The following MCC variants were observed in gnomAD, a reference collection of about 807,000 sequenced individuals.
The protein encoded by MCC is MCC regulator of Wnt signaling pathway.
In MCC, 90 loss-of-function variants were observed where a neutral mutation model predicts 116.2. That is an observed-to-expected ratio of 0.77 (90% CI 0.65 to 0.92). The LOEUF is 0.92. Ranked by LOEUF, MCC falls within the 40% of genes least tolerant of loss-of-function variation. The probability of loss-of-function intolerance (pLI) is 0.00; values close to 1 mark genes in which losing one functional copy is unlikely to be tolerated. For synonymous variants in MCC, 578 were observed against 510.5 expected (o/e 1.13, Z -1.78); for missense variants, 1,516 against 1,312.2 (o/e 1.16, Z -2.40).
chr5:113,448,557 A>G (rs796181052), intron 1 of MCC, among the ~76,000 whole-genome samples: 6 of 152,378 alleles, frequency 3.9e-5, no homozygotes, highest in African/African-American at 1.4e-4. Flanking sequence ...ACAGCTGCAG[A>G]TACCAATGAT....
intron 1 of MCC, among the ~76,000 whole-genome samples, chr5:113,471,193 T>A (rs1182995052): frequency 1.3e-5 from 2 of 152,238 alleles, no homozygotes; most frequent in Admixed American, 1.3e-4. Flanking sequence ...TCATTCTCTG[T>A]CCAGCTTTGT....
intron 2 of MCC, among the ~76,000 whole-genome samples, chr5:113,346,556 T>C (rs752671230): frequency 1.5e-4 from 23 of 151,942 alleles, no homozygotes; most frequent in Non-Finnish European, 2.9e-4. Flanking sequence ...GCCAAGATCA[T>C]GCCATTGTAC....
At chr5:113,394,004 C>T (rs889245401) in intron 1 of MCC, among the ~76,000 whole-genome samples, 21 of 152,162 alleles carry the variant, frequency 1.4e-4, no homozygotes, top group African/African-American at 4.8e-4. Context: ...GGCTGACTAC[C>T]AAATTTCTAT....
In MCC at chr5:113,053,706, G is replaced by A. The variant is rs753916043; in HGVS notation, c.2448+19C>T. ...CCTCCTGGTGGCAGCCTAGCACATG[G>A]GACCCACCCACCACATACCTTCATG... On this transcript the variant is annotated intron_variant, in intron 15 of 18. Transcript: ENST00000408903. 1.3e-6 allele frequency: 2 copies of A among 1,575,272 alleles called. No individual in the cohort carries two copies. The highest frequency in any genetic ancestry group is 2.2e-5 in the South Asian group (2 of 89,940).
intron 1 of MCC, among the ~76,000 whole-genome samples, chr5:113,468,917 G>A (rs1056706794): frequency 3.9e-5 from 6 of 152,184 alleles, no homozygotes; most frequent in African/African-American, 1.4e-4. Flanking sequence ...TTGGGAGGGT[G>A]TATGTGTCGA....
Position 113,173,028 on chromosome 5 carries a change from G to C in MCC, c.628-21606C>G, listed in dbSNP as rs140673922. ...TGTTTTGATAGGATGATTTTTTAGA[G>C]TTTGATGTATATAACAGATATTAAC... On this transcript the variant is annotated intron_variant, in intron 3 of 18. Coordinates refer to ENST00000408903, the MANE Select transcript of MCC (RefSeq NM_001085377.2). Among the ~76,000 whole-genome samples, 378 of 152,198 alleles carry C rather than the reference G, an allele frequency of 2.5e-3. 1 individual carries two copies. The highest frequency in any genetic ancestry group is 8.7e-3 in the African/African-American group (362 of 41,528).
At chr5:113,234,791 T>C (rs554082458) in intron 3 of MCC, 1 of 152,230 alleles carries the variant, frequency 6.6e-6, no homozygotes, top group Non-Finnish European at 1.5e-5. Context: ...GATATGCAGA[T>C]GACAAATAGA....
chr5:113,441,371 C>A (rs1211184216), intron 1 of MCC, among the ~76,000 whole-genome samples: 1 of 151,842 alleles, frequency 6.6e-6, no homozygotes, highest in Non-Finnish European at 1.5e-5. Flanking sequence ...AAAACAAGTT[C>A]TCTTTATAGT....
chr5:113,151,197 T>A, intron 4 of MCC, 112 bp downstream of exon 4: 2 of 670,970 alleles, frequency 3.0e-6, no homozygotes, highest in Non-Finnish European at 5.2e-6. Context: ...GAGTATTTGC[T>A]GATAAAGCTG....
At chr5:113,313,319 C>T (rs1387313126) in intron 3 of MCC, among the ~76,000 whole-genome samples, 6 of 152,170 alleles carry the variant, frequency 3.9e-5, no homozygotes, top group South Asian at 2.1e-4. Flanking sequence ...TGCACTCCAG[C>T]GTGGTGACAG....
intron 3 of MCC, among the ~76,000 whole-genome samples, chr5:113,255,254 G>C (rs1417118801): frequency 6.6e-6 from 1 of 152,178 alleles, no homozygotes; most frequent in Non-Finnish European, 1.5e-5. Flanking sequence ...GTGAGCCAAA[G>C]TCCTCGAGGA....
intron 1 of MCC, among the ~76,000 whole-genome samples, chr5:113,389,708 T>C (rs1464045096): frequency 6.6e-6 from 1 of 152,218 alleles, no homozygotes; most frequent in East Asian, 1.9e-4. Flanking sequence ...CAATTCCCTT[T>C]GAGATGTGTG....
At chr5:113,451,583 A>C (rs1199605896) in intron 1 of MCC, among the ~76,000 whole-genome samples, 1 of 152,172 alleles carries the variant, frequency 6.6e-6, no homozygotes, top group Non-Finnish European at 1.5e-5. Flanking sequence ...AAAAATACAA[A>C]ATTAGCCAGG....
Position 113,214,303 on chromosome 5 carries a change from C to T in MCC, c.628-62881G>A, listed in dbSNP as rs1763233128. On this transcript the variant is annotated intron_variant, in intron 3 of 18. Transcript: ENST00000408903. ...CAGGCCACATCCCAGTGGGGAGACA[C>T]TACCACATGCTCAGTCCTCTGCCCA... 2.6e-5 allele frequency among the ~76,000 whole-genome samples: 4 copies of T among 152,322 alleles called. No homozygotes were observed. The South Asian group carries it at 8.3e-4, about 32-fold the overall frequency.
At chr5:113,452,342 A>G (rs1771425789) in intron 1 of MCC, among the ~76,000 whole-genome samples, 1 of 152,230 alleles carries the variant, frequency 6.6e-6, no homozygotes, top group South Asian at 2.1e-4. Context: ...CCCCAAATTC[A>G]TATGTTAAAA....
At chr5:113,271,235 T>C (rs1384698768) in intron 3 of MCC, among the ~76,000 whole-genome samples, 1 of 152,192 alleles carries the variant, frequency 6.6e-6, no homozygotes, top group Non-Finnish European at 1.5e-5. Flanking sequence ...GTCTTGCTTT[T>C]CCTTGACTCA....
At chr5:113,329,935 G>T (rs1767658972) in intron 3 of MCC, among the ~76,000 whole-genome samples, 1 of 152,194 alleles carries the variant, frequency 6.6e-6, no homozygotes, top group Non-Finnish European at 1.5e-5. Flanking sequence ...GAAGAAGGGG[G>T]CAGCAGTGCA....
chr5:113,283,462 C>G (rs980763481), intron 3 of MCC, among the ~76,000 whole-genome samples: 1 of 151,950 alleles, frequency 6.6e-6, no homozygotes, highest in East Asian at 1.9e-4. Flanking sequence ...CAAATCAAAC[C>G]CACAATGAGA....
chr5:113,188,850 TTAGA>T (rs1412475019), intron 3 of MCC, among the ~76,000 whole-genome samples: 1 of 152,184 alleles, frequency 6.6e-6, no homozygotes, highest in African/African-American at 2.4e-5. Flanking sequence ...AGTTTTTAAT[TTAGA>T]TAAACTCTAA....
Sources: allele counts gnomAD v4.1 joint callset (sites outside exome capture counted in the v4.1 genomes callset), GRCh38; gene constraint gnomAD v4.1.1; transcripts MANE v1.5; gene names NCBI Gene and HGNC (gene_info 2026-07-23, HGNC 2026-07-21).